RNF212: variants seen among roughly 807,000 people sequenced by gnomAD.
The protein encoded by RNF212 is probable E3 SUMO-protein ligase RNF212.
RNF212 carries 33 observed loss-of-function variants against 34.7 expected under a neutral mutation model. The observed-to-expected ratio is 0.95, with a 90% CI of 0.72 to 1.27. The LOEUF is 1.27. Among genes scored for constraint, RNF212 ranks in the 50% most tolerant of loss-of-function variants. The probability of loss-of-function intolerance (pLI) is 0.00; values close to 1 mark genes in which losing one functional copy is unlikely to be tolerated. For missense variants in RNF212, 377 were observed against 362.2 expected (o/e 1.04, Z -0.33); for synonymous variants, 140 against 136.1 (o/e 1.03, Z -0.20).
In RNF212 at chr4:1,072,933, T is replaced by C. The variant is rs1029988485; in HGVS notation, c.835A>G (p.Thr279Ala). 5.6e-6 allele frequency: 9 copies of C among 1,613,802 alleles called. No homozygotes were observed. Among genetic ancestry groups the C allele is most frequent in the Admixed American group, 1.7e-5 (1 of 59,994 alleles). ...QAEGTLDTFR[T>A]PAVSVVFPLC... ...GGAAACACAACAGACACAGCGGGTG[T>C]TCTGAACGTGTCCAGGGTGCCCTCA... The change falls in exon 10 of 10, where the codon ACA becomes GCA. Residue 279 changes from threonine to alanine, a missense_variant. Thr to Ala is a moderately conservative substitution (Grantham distance 58, BLOSUM62 0). Coordinates refer to ENST00000433731, the MANE Select transcript of RNF212 (RefSeq NM_001131034.4).
rs916949147 is a variant in RNF212, at chr4:1,098,647, C to T, written c.172-1808G>A. Among the ~76,000 whole-genome samples, 14 of 152,334 alleles carry T rather than the reference C, an allele frequency of 9.2e-5. No homozygotes were observed. In the South Asian group the frequency reaches 1.9e-3, roughly 20 times the overall value. On this transcript the variant is annotated intron_variant, in intron 2 of 9. Transcript: ENST00000433731. ...AGGCATCAGGAGCTCAGAGTCTGGC[C>T]TAAATCCAGCTCTGCACACCCTTGA...
In RNF212 at chr4:1,113,488, G is replaced by A. The variant is rs757910394; in HGVS notation, c.-24C>T. 4 of 1,592,134 alleles carry A rather than the reference G, an allele frequency of 2.5e-6. No individual in the cohort carries two copies. The South Asian group carries it at 4.5e-5, about 18-fold the overall frequency. On this transcript the variant is annotated 5_prime_UTR_variant, in exon 1 of 10. Coordinates refer to ENST00000433731, the MANE Select transcript of RNF212 (RefSeq NM_001131034.4). The stretch of plus-strand genomic sequence containing the variant: ...ATGCCAGGCGGGCGACCGCAGCGGC[G>A]AGGCCGGGCCCACGCGAAGCCCACG...
rs1481822066 is a variant in RNF212, at chr4:1,072,817, AAC to A, written c.*55_*56del. ...AATAAAGCAGATAATTTGTAGAAAA[AAC>A]ACAGAGGAATAAATTGAAAACACTC... On this transcript the variant is annotated 3_prime_UTR_variant, in exon 10 of 10. Transcript: ENST00000433731. 6.0e-6 allele frequency: 9 copies of A among 1,503,016 alleles called. No homozygotes were observed. Among genetic ancestry groups the A allele is most frequent in the Admixed American group, 2.2e-5 (1 of 45,140 alleles). 93.1% of individuals were successfully genotyped at this position (1,503,016 alleles called of 1,614,324 possible). A position where few individuals can be genotyped will look rare whatever the true frequency, so the allele number is the denominator to read the frequency against.
At chr4:1,099,944 T>C in intron 2 of RNF212, 1 of 450,470 alleles carries the variant, frequency 2.2e-6, no homozygotes, top group South Asian at 1.6e-5. Flanking sequence ...AAGAGGGCTC[T>C]TATCATCATG....
At chr4:1,093,664 G>GCAAAACCACC in intron 3 of RNF212, 1 of 1,536,030 alleles carries the variant, frequency 6.5e-7, no homozygotes, top group Non-Finnish European at 8.7e-7. Context: ...GCAGCACTTG[G>GCAAAACCACC]CAAAACCACC....
chr4:1,112,302 C>T (rs1419109350), intron 1 of RNF212, among the ~76,000 whole-genome samples: 1 of 152,160 alleles, frequency 6.6e-6, no homozygotes, highest in Non-Finnish European at 1.5e-5. Context: ...GCTGCATTCA[C>T]TAAGGCTCCA....
At chr4:1,088,874 G>T (rs1721752688) in intron 4 of RNF212, among the ~76,000 whole-genome samples, 1 of 152,264 alleles carries the variant, frequency 6.6e-6, no homozygotes, top group South Asian at 2.1e-4. Context: ...GCCTGCATGT[G>T]TGCAGAGGAC....
chr4:1,106,595 A>C (rs561542634), intron 2 of RNF212, among the ~76,000 whole-genome samples: 7 of 152,390 alleles, frequency 4.6e-5, no homozygotes, highest in Non-Finnish European at 8.8e-5. Context: ...ATAGCAGTGC[A>C]CAGAAAGACA....
Position 1,086,099 on chromosome 4 carries a change from A to T in RNF212, c.304-145T>A. 4 of 680,994 alleles carry T rather than the reference A, an allele frequency of 5.9e-6. No homozygotes were observed. In the South Asian group the frequency reaches 6.7e-5, roughly 11 times the overall value. The allele number at this position is 680,994 out of a possible 1,614,324, so 42.2% of individuals were successfully genotyped here. The stretch of plus-strand genomic sequence containing the variant: ...GCTGCTCAGGAGTAAATCTGCCTGG[A>T]GTTCCGCCCATCAGACACTTAGGAA... On this transcript the variant is annotated intron_variant, in intron 4 of 9. Coordinates refer to ENST00000433731, the MANE Select transcript of RNF212 (RefSeq NM_001131034.4).
In RNF212 at chr4:1,093,678, G is replaced by A. The variant is rs1020727686; in HGVS notation, c.247-2840C>T. 4 of 1,536,162 alleles carry A rather than the reference G, an allele frequency of 2.6e-6. No homozygotes were observed. The Admixed American group carries it at 7.8e-5, about 30-fold the overall frequency. ...TGCAGCACTTGGCAAAACCACCCTG[G>A]AGCGCACGGCCTGTGGCTCTGATGT... is the stretch of plus-strand genomic sequence containing the variant. On this transcript the variant is annotated intron_variant, in intron 3 of 9. Coordinates refer to ENST00000433731, the MANE Select transcript of RNF212 (RefSeq NM_001131034.4).
In RNF212 at chr4:1,072,881, G is replaced by T; in HGVS notation, c.887C>A (p.Ser296Ter). Residue 296 changes from serine to a stop codon, truncating the protein, a stop_gained, in exon 10 of 10, where the codon TCA (serine) becomes TAA (stop). Coordinates refer to ENST00000433731, the MANE Select transcript of RNF212 (RefSeq NM_001131034.4). LOFTEE classifies it high-confidence loss of function. ...FPLCQFERKK[S>*]F The stretch of plus-strand genomic sequence containing the variant: ...TAGTCACATAAATGCAAATCAAAAT[G>T]ACTTTTTCCTTTCAAATTGGCAAAG... 6.3e-7 allele frequency: 1 copy of T among 1,599,820 alleles called. No homozygotes were observed. The highest frequency in any genetic ancestry group is 1.1e-5 in the South Asian group (1 of 89,292).
chr4:1,099,444 A>G (rs1321156187), intron 2 of RNF212, among the ~76,000 whole-genome samples: 2 of 152,130 alleles, frequency 1.3e-5, no homozygotes, highest in Non-Finnish European at 2.9e-5. Context: ...TTAACTGTCC[A>G]TGGCAGCACT....
At chr4:1,106,872 T>C (rs1348749487) in intron 2 of RNF212, among the ~76,000 whole-genome samples, 1 of 152,240 alleles carries the variant, frequency 6.6e-6, no homozygotes, top group African/African-American at 2.4e-5. Flanking sequence ...TTCAGGAATT[T>C]ATGCCACAGA....
chr4:1,070,474 T>C (rs974279919), downstream of RNF212, among the ~76,000 whole-genome samples: 1 of 89,442 alleles, frequency 1.1e-5, no homozygotes, highest in East Asian at 3.0e-4. Flanking sequence ...AGGACTGTGC[T>C]GTGTCAGCGT....
upstream of RNF212, chr4:1,113,583 G>A (rs958701206): frequency 2.6e-5 from 18 of 699,866 alleles, no homozygotes; most frequent in African/African-American, 2.3e-4. Flanking sequence ...AAAGTCGACG[G>A]CAGCCCTGCG....
chr4:1,108,251 T>G, intron 2 of RNF212, 92 bp downstream of exon 2: 1 of 802,412 alleles, frequency 1.2e-6, no homozygotes, highest in Non-Finnish European at 1.9e-6. Context: ...GACTGAAAAT[T>G]TTAGACACCA....
chr4:1,099,914 A>C, intron 2 of RNF212: 2 of 455,590 alleles, frequency 4.4e-6, no homozygotes, highest in South Asian at 3.1e-5. Context: ...GCTGTCAGAC[A>C]CAGGAAAGGG....
intron 8 of RNF212, among the ~76,000 whole-genome samples, chr4:1,077,800 G>A (rs982212279): frequency 2.0e-5 from 3 of 152,228 alleles, no homozygotes; most frequent in African/African-American, 7.2e-5. Context: ...GAGGGGGCAG[G>A]TGGGGTCCTC....
chr4:1,113,471 C>T lies in RNF212; in HGVS notation c.-7G>A, dbSNP rs775402426. On this transcript the variant is annotated 5_prime_UTR_variant, in exon 1 of 10. Coordinates refer to ENST00000433731, the MANE Select transcript of RNF212 (RefSeq NM_001131034.4). ...AGAACACCCAGTTGGCCATGCCAGG[C>T]GGGCGACCGCAGCGGCGAGGCCGGG... The T allele has an allele frequency of 4.4e-6, 7 of 1,604,454 alleles. No individual in the cohort carries two copies. The East Asian group carries it at 6.8e-5, about 16-fold the overall frequency.
Sources: gnomAD v4.1 joint callset for allele counts (sites outside exome capture counted in the v4.1 genomes callset) on GRCh38, gnomAD v4.1.1 for gene constraint, MANE v1.5 for transcripts, NCBI Gene and HGNC (gene_info 2026-07-23, HGNC 2026-07-21) for gene names.